The following ZFP1 variants were observed in gnomAD, a reference collection of about 807,000 sequenced individuals.
The protein encoded by ZFP1 is ZFP1 zinc finger protein.
In ZFP1, 32 loss-of-function variants were observed where a neutral mutation model predicts 38.5. The observed-to-expected ratio is 0.83, with a 90% CI of 0.63 to 1.12. The LOEUF is 1.12. ZFP1 is among the 50% of genes most tolerant of loss of function. ZFP1 has a pLI of 0.00. For missense variants in ZFP1, 616 were observed against 480.8 expected, an observed-to-expected ratio of 1.28 and a Z score of -2.63; for synonymous variants, 245 against 168.8, an observed-to-expected ratio of 1.45 and a Z score of -3.50.
intron 2 of ZFP1, among the ~76,000 whole-genome samples, chr16:75,158,297 G>A (rs977631958): frequency 6.6e-6 from 1 of 151,424 alleles, no homozygotes; most frequent in Non-Finnish European, 1.5e-5. Flanking sequence ...ACAGCTCACT[G>A]CAGCCTCAAG....
At chr16:75,136,592 G>T in the ZFP1 span, among the ~76,000 whole-genome samples, 1 of 152,128 alleles carries the variant, frequency 6.6e-6, no homozygotes, top group African/African-American at 2.4e-5. Flanking sequence ...ATATAGACTG[G>T]GCATGGTGGC....
chr16:75,170,311 G>C lies in ZFP1; in HGVS notation c.1201G>C (p.Val401Leu). 6.3e-7 allele frequency: 1 copy of C among 1,589,378 alleles called. No individual in the cohort carries two copies. Among genetic ancestry groups the C allele is most frequent in the South Asian group, 1.1e-5 (1 of 87,376 alleles). Residue 401 changes from valine (V) to leucine (L), a missense_variant, in exon 4 of 4, where the codon GTT (valine) becomes CTT (leucine). By Grantham distance (32) the Val-to-Leu change is conservative. Transcript: ENST00000570010. ...GTCCCGACTCAGTGTCCATCAGAGA[G>C]TTCACATCGGGGAGAAACCCTGAAA... ...RKSRLSVHQRVHIGEKP is the reference protein window; with the variant it reads ...RKSRLSVHQRLHIGEKP
At chr16:75,125,537 T>G in the ZFP1 span, among the ~76,000 whole-genome samples, 1 of 152,210 alleles carries the variant, frequency 6.6e-6, no homozygotes, top group South Asian at 2.1e-4. Flanking sequence ...TTTGTCAGAC[T>G]GGTCTTGAAC....
At chr16:75,122,705 G>A in the ZFP1 span, among the ~76,000 whole-genome samples, 9 of 152,164 alleles carry the variant, frequency 5.9e-5, no homozygotes, top group South Asian at 4.1e-4. Context: ...TAGGCAGTCC[G>A]GTCTATAGGC....
Position 75,169,818 on chromosome 16 carries a change from G to A in ZFP1, c.708G>A (p.Gly236=). ...NLIKHQRIHT[G]EKPFECPECG... ...TCAAACATCAGAGAATTCACACTGGGGAGAAACCTTTCGAGTGTCCGGAAT... is the reference window on the plus strand; with the variant it reads ...TCAAACATCAGAGAATTCACACTGGAGAGAAACCTTTCGAGTGTCCGGAAT... The change falls in exon 4 of 4, where the codon GGG becomes GGA. Residue 236 remains glycine (G), a synonymous_variant. Coordinates refer to ENST00000570010, the MANE Select transcript of ZFP1 (RefSeq NM_153688.4). 1 of 1,614,070 alleles carries A rather than the reference G, an allele frequency of 6.2e-7. No individual in the cohort carries two copies. Among genetic ancestry groups the A allele is most frequent in the South Asian group, 1.1e-5 (1 of 91,072 alleles).
chr16:75,151,955 G>A (rs934582313), intron 1 of ZFP1, among the ~76,000 whole-genome samples: 1 of 152,098 alleles, frequency 6.6e-6, no homozygotes, highest in Non-Finnish European at 1.5e-5. Context: ...TTTTTGCTGG[G>A]TATAGAATTC....
At chr16:75,135,579 G>A in the ZFP1 span, among the ~76,000 whole-genome samples, 1 of 152,150 alleles carries the variant, frequency 6.6e-6, no homozygotes, top group African/African-American at 2.4e-5. Flanking sequence ...CTGTCCTCGA[G>A]TCTGGGCAAC....
At chr16:75,152,123 A>G (rs954275010) in intron 1 of ZFP1, among the ~76,000 whole-genome samples, 2 of 152,082 alleles carry the variant, frequency 1.3e-5, no homozygotes, top group East Asian at 3.8e-4. Flanking sequence ...TCCTCTGGCT[A>G]CTTTGAAGAT....
chr16:75,145,560 G>T (rs1033801797), upstream of ZFP1, among the ~76,000 whole-genome samples: 7 of 152,060 alleles, frequency 4.6e-5, no homozygotes, highest in African/African-American at 1.7e-4. Context: ...CAAATCCCAG[G>T]CTCCACAAAC....
At chr16:75,140,520 G>A in the ZFP1 span, among the ~76,000 whole-genome samples, 2 of 152,088 alleles carry the variant, frequency 1.3e-5, no homozygotes, top group Admixed American at 6.6e-5. Flanking sequence ...TATTCTTATT[G>A]TCCCCCCAAC....
chr16:75,170,529 A>G lies in ZFP1; in HGVS notation c.*195A>G, dbSNP rs573331505. 2 of 763,870 alleles carry G rather than the reference A, an allele frequency of 2.6e-6. No individual in the cohort carries two copies. The highest frequency in any genetic ancestry group is 1.9e-6 in the Non-Finnish European group (1 of 531,772). The allele number at this position is 763,870 out of a possible 1,614,324, so 47.3% of individuals were successfully genotyped here. On this transcript the variant is annotated 3_prime_UTR_variant, in exon 4 of 4. Transcript: ENST00000570010. ...TGTGATACCCAGCTAAAGAATACAT[A>G]TCAGAATATATCCAGTTGTAAATAG... is the stretch of plus-strand genomic sequence containing the variant.
chr16:75,154,573 G>GTTTTTTTTTT (rs33986637), intron 2 of ZFP1, among the ~76,000 whole-genome samples: 1 of 111,246 alleles, frequency 9.0e-6, no homozygotes, highest in African/African-American at 3.3e-5. Context: ...ATGAATGAGA[G>GTTTTTTTTTT]TTTTTTTTTT....
intron 1 of ZFP1, 136 bp from the exon 2 acceptor site, chr16:75,152,773 T>G (rs1215676241): frequency 4.4e-6 from 3 of 685,558 alleles, no homozygotes; most frequent in Non-Finnish European, 7.4e-6. Flanking sequence ...CTGCCCCTTC[T>G]GAAGAGGCAA....
chr16:75,145,685 T>C (rs1023614616), upstream of ZFP1, among the ~76,000 whole-genome samples: 10 of 152,140 alleles, frequency 6.6e-5, no homozygotes, highest in African/African-American at 2.4e-4. Flanking sequence ...GAGAGGAATT[T>C]GGCCAGGGAC....
At chr16:75,157,487 G>A (rs1467205789) in intron 2 of ZFP1, among the ~76,000 whole-genome samples, 1 of 151,812 alleles carries the variant, frequency 6.6e-6, no homozygotes, top group African/African-American at 2.4e-5. Context: ...CAAGTGATAC[G>A]CCCTCCTCAG....
chr16:75,159,892 C>G (rs548068726), intron 2 of ZFP1, among the ~76,000 whole-genome samples: 68 of 152,270 alleles, frequency 4.5e-4, no homozygotes, highest in African/African-American at 1.6e-3. Context: ...TGGTCATACT[C>G]CTTTCTCCTA....
intron 2 of ZFP1, among the ~76,000 whole-genome samples, chr16:75,154,922 C>G (rs946731752): frequency 6.6e-6 from 1 of 151,972 alleles, no homozygotes; most frequent in South Asian, 2.1e-4. Context: ...CTCAGCCTCC[C>G]GAGTAGCTGG....
the ZFP1 span, among the ~76,000 whole-genome samples, chr16:75,143,408 AT>A: frequency 2.0e-5 from 3 of 151,558 alleles, no homozygotes; most frequent in Non-Finnish European, 4.4e-5. Context: ...GGCCCAGCTA[AT>A]TTTTTTGTGT....
chr16:75,158,490 G>A (rs1161743086), intron 2 of ZFP1, among the ~76,000 whole-genome samples: 1 of 151,266 alleles, frequency 6.6e-6, no homozygotes, highest in Non-Finnish European at 1.5e-5. Flanking sequence ...CTACAGGCCT[G>A]TGACAGTTAA....
Sources: allele counts gnomAD v4.1 joint callset (sites outside exome capture counted in the v4.1 genomes callset), GRCh38; gene constraint gnomAD v4.1.1; transcripts MANE v1.5; gene names NCBI Gene and HGNC (gene_info 2026-07-23, HGNC 2026-07-21).